NDRG2: variants seen among roughly 807,000 people sequenced by gnomAD.
NDRG2 encodes the protein NDRG family member 2.
Under a neutral mutation model 58.2 loss-of-function variants are expected in NDRG2, and 34 were observed. That is an observed-to-expected ratio of 0.58 (90% CI 0.44 to 0.78). NDRG2 has a LOEUF of 0.78. Among genes scored for constraint, NDRG2 ranks in the 30% least tolerant of loss-of-function variants. NDRG2 has a pLI of 0.00. For synonymous variants in NDRG2, 187 were observed against 175.9 expected (o/e 1.06, Z -0.50); for missense variants, 434 against 471.2 (o/e 0.92, Z 0.73).
chr14:21,022,109 A>G lies in NDRG2; in HGVS notation c.297T>C (p.His99=), dbSNP rs1223414536. The G allele has an allele frequency of 6.2e-7, 1 of 1,614,184 alleles. No individual in the cohort carries two copies. The highest frequency in any genetic ancestry group is 1.7e-5 in the Admixed American group (1 of 60,018). ...CCTCTTCCATTCCAGGGGCATCCAC[A>G]TGAACCCGCACAAAGTTCTGAATGA... The part of the protein sequence containing the change: ...QEIIQNFVRV[H]VDAPGMEEGA... Residue 99 remains histidine (H), a synonymous_variant, in exon 5 of 16, where the codon CAT becomes CAC. Transcript: ENST00000556147.
At chr14:21,053,591 C>T (rs1380204497) in intron 1 of NDRG2, among the ~76,000 whole-genome samples, 1 of 152,046 alleles carries the variant, frequency 6.6e-6, no homozygotes, top group African/African-American at 2.4e-5. Flanking sequence ...CTCGCCACTG[C>T]AGTCTAGCCT....
Position 21,024,889 on chromosome 14 carries a change from G to C in NDRG2, c.-866C>G, listed in dbSNP as rs1008653486. On this transcript the variant is annotated 5_prime_UTR_variant, in exon 1 of 16. Coordinates refer to ENST00000556147, the MANE Select transcript of NDRG2 (RefSeq NM_001320329.2). ...CAGCTCTTGGAGCCTCAGCCTTTGT[G>C]CGCAGCAACCGAGCGCCCGCTCCGT... is the stretch of plus-strand genomic sequence containing the variant. The C allele has an allele frequency of 2.3e-5, 23 of 985,576 alleles. No homozygotes were observed. In the African/African-American group the frequency reaches 3.8e-4, roughly 16 times the overall value. The allele number at this position is 985,576 out of a possible 1,614,324, so 61.1% of individuals were successfully genotyped here.
intron 1 of NDRG2, among the ~76,000 whole-genome samples, chr14:21,057,635 A>ATATATATATATATATATATG (rs970286695): frequency 6.8e-6 from 1 of 147,804 alleles, no homozygotes; most frequent in African/African-American, 2.5e-5. Flanking sequence ...ATATATATAT[A>ATATATATATATATATATATG]TGTGAGAAGG....
At position 21,024,445 on chromosome 14, in the gene NDRG2, T is replaced by G; in HGVS notation, c.-422A>C. The G allele has an allele frequency of 1.1e-6, 1 of 940,416 alleles. No homozygotes were observed. Among genetic ancestry groups the G allele is most frequent in the Non-Finnish European group, 1.3e-6 (1 of 788,980 alleles). 58.3% of individuals were successfully genotyped at this position (940,416 alleles called of 1,614,324 possible). On this transcript the variant is annotated 5_prime_UTR_variant, in exon 1 of 16. Coordinates refer to ENST00000556147, the MANE Select transcript of NDRG2 (RefSeq NM_001320329.2). ...TAGTTACTACATTTGGCCTCAATTT[T>G]CTATCTGCAGGGGGACTAAACGCGG...
chr14:21,036,060 A>G (rs1306784580), intron 1 of NDRG2: 2 of 389,888 alleles, frequency 5.1e-6, no homozygotes, highest in South Asian at 3.8e-5. Flanking sequence ...TAAGATGTAT[A>G]TCAAGAGTTT....
intron 1 of NDRG2, chr14:21,033,235 T>G: frequency 3.1e-6 from 1 of 327,802 alleles, no homozygotes; most frequent in South Asian, 2.4e-5. Context: ...AGGACAGTTA[T>G]ATGAAGGGAG....
upstream of NDRG2, chr14:21,025,318 C>A (rs1448424754): frequency 2.1e-6 from 2 of 967,888 alleles, no homozygotes; most frequent in Non-Finnish European, 2.5e-6. This position sits in a 1 kb window ranked among gnomAD's most constrained non-coding sequence, Gnocchi z 5.1. Context: ...CGCATTGGGG[C>A]GGTGTGGGGA....
intron 1 of NDRG2, among the ~76,000 whole-genome samples, chr14:21,055,378 T>G (rs1885630387): frequency 6.6e-6 from 1 of 152,236 alleles, no homozygotes; most frequent in African/African-American, 2.4e-5. Flanking sequence ...TATATTTGAC[T>G]TTTCCTGTAT....
chr14:21,070,344 G>A lies in NDRG2; in HGVS notation c.24+484C>T. The A allele has an allele frequency of 8.6e-6, 12 of 1,401,332 alleles. No individual in the cohort carries two copies. The highest frequency in any genetic ancestry group is 9.2e-6 in the Non-Finnish European group (10 of 1,082,376). The allele number at this position is 1,401,332 out of a possible 1,614,324, so 86.8% of individuals were successfully genotyped here. A position where few individuals can be genotyped will look rare whatever the true frequency, so the allele number is the denominator to read the frequency against. On this transcript the variant is annotated intron_variant, in intron 1 of 14. Transcript: ENST00000403829. The surrounding 1 kb of genome is among the most constrained non-coding windows in gnomAD (Gnocchi z 4.7). ...CGAGCGGCGGGAGGGAGGCGGTGGC[G>A]CGCCCGGCCCCGCCCGCCCGACCAA...
intron 1 of NDRG2, chr14:21,031,361 T>C: frequency 1.6e-6 from 1 of 608,690 alleles, no homozygotes; most frequent in South Asian, 3.3e-5. Context: ...CATGGCTATT[T>C]TAATAGTAGA....
At position 21,043,005 on chromosome 14, in the gene NDRG2, A is replaced by G. The variant is rs1250673508; in HGVS notation, c.25-19684T>C. The G allele has an allele frequency of 6.8e-6, 11 of 1,613,488 alleles. No individual in the cohort carries two copies. The Middle Eastern group carries it at 5.0e-4, about 73-fold the overall frequency. On this transcript the variant is annotated intron_variant, in intron 1 of 14. Coordinates refer to the NDRG2 transcript ENST00000403829. ...CCTCCTAAGAGAGATGGCACCGGCCAGAGCAGGATTCTGCCCCCTTCTGCT... is the reference window on the plus strand; with the variant it reads ...CCTCCTAAGAGAGATGGCACCGGCCGGAGCAGGATTCTGCCCCCTTCTGCT...
chr14:21,054,590 G>T (rs907824134), intron 1 of NDRG2, among the ~76,000 whole-genome samples: 1 of 152,164 alleles, frequency 6.6e-6, no homozygotes, highest in Non-Finnish European at 1.5e-5. Flanking sequence ...GGCAGCTTGG[G>T]TCTGTAACTG....
At chr14:21,063,900 C>T (rs1289582498) in intron 1 of NDRG2, among the ~76,000 whole-genome samples, 3 of 152,196 alleles carry the variant, frequency 2.0e-5, no homozygotes, top group Non-Finnish European at 4.4e-5. Flanking sequence ...GTCCCATTTT[C>T]AGGCAACTCT....
At chr14:21,053,709 T>C (rs1473224975) in intron 1 of NDRG2, among the ~76,000 whole-genome samples, 3 of 151,780 alleles carry the variant, frequency 2.0e-5, no homozygotes, top group Non-Finnish European at 4.4e-5. Context: ...GAGGCTGACG[T>C]AGGAGGACCA....
chr14:21,031,427 C>T (rs1884127842), intron 1 of NDRG2: 1 of 485,634 alleles, frequency 2.1e-6, no homozygotes, highest in East Asian at 3.2e-5. Context: ...GGCTTGGTAG[C>T]TTTTGGAGGA....
intron 1 of NDRG2, chr14:21,058,421 A>G (rs964401610): frequency 5.8e-6 from 7 of 1,201,866 alleles, no homozygotes; most frequent in Non-Finnish European, 8.3e-6. Context: ...TCCTCCCTCC[A>G]GTTCGTTATT....
chr14:21,061,025 C>T (rs779730032), intron 1 of NDRG2, among the ~76,000 whole-genome samples: 7 of 152,160 alleles, frequency 4.6e-5, no homozygotes, highest in Non-Finnish European at 1.0e-4. Context: ...TTGGTACAAC[C>T]GCAGATTCAC....
chr14:21,019,345 G>GC (rs1460007021), intron 10 of NDRG2, among the ~76,000 whole-genome samples, 185 bp from the exon 11 acceptor site: 1 of 152,144 alleles, frequency 6.6e-6, no homozygotes, highest in African/African-American at 2.4e-5. Flanking sequence ...AGTCACTTGT[G>GC]CCCTAGATCC....
intron 1 of NDRG2, chr14:21,031,259 A>T: frequency 4.0e-6 from 6 of 1,487,774 alleles, no homozygotes; most frequent in Non-Finnish European, 4.5e-6. Context: ...GTGACTGTAG[A>T]GACAGGGCCG....
Sources: gnomAD v4.1 joint callset for allele counts (sites outside exome capture counted in the v4.1 genomes callset) on GRCh38, gnomAD v4.1.1 for gene constraint, Gnocchi (gnomAD v3.1) non-coding constraint, MANE v1.5 for transcripts, NCBI Gene and HGNC (gene_info 2026-07-23, HGNC 2026-07-21) for gene names.